Variants in MYEF2 observed in about 807,000 individuals in gnomAD.
MYEF2 encodes the protein myelin gene expression factor 2.
Under a neutral mutation model 75.2 loss-of-function variants are expected in MYEF2, and 37 were observed. The observed-to-expected ratio is 0.49, with a 90% CI of 0.38 to 0.65. The LOEUF (loss-of-function observed/expected upper bound fraction) is 0.65, where lower values mean the gene tolerates loss of function less well. MYEF2 is among the 30% of genes least tolerant of loss of function. The probability of loss-of-function intolerance (pLI) is 0.00; values close to 1 mark genes in which losing one functional copy is unlikely to be tolerated. For synonymous variants in MYEF2, 195 were observed against 241.6 expected, an observed-to-expected ratio of 0.81 and a Z score of 1.79; for missense variants, 634 against 771.4, an observed-to-expected ratio of 0.82 and a Z score of 2.11.
Position 48,135,067 on chromosome 15 carries a change from A to G in MYEF2, c.*7841T>C, listed in dbSNP as rs571165741. 7.3e-5 allele frequency: 78 copies of G among 1,075,714 alleles called. No homozygotes were observed. The Admixed American group carries it at 1.5e-3, about 20-fold the overall frequency. The allele number at this position is 1,075,714 out of a possible 1,614,324, so 66.6% of individuals were successfully genotyped here. A position where few individuals can be genotyped will look rare whatever the true frequency, so the allele number is the denominator to read the frequency against. On this transcript the variant is annotated 3_prime_UTR_variant, in exon 17 of 17. Coordinates refer to ENST00000324324, the MANE Select transcript of MYEF2 (RefSeq NM_016132.5). ...TCAGTAATTTTTTTTCAGAAATGTT[A>G]TTTCAGTCACTTAATCTGCCACTTC...
chr15:48,151,982 C>T, intron 11 of MYEF2, 40 bp from the exon 12 acceptor site: 1 of 1,586,942 alleles, frequency 6.3e-7, no homozygotes, highest in Non-Finnish European at 8.7e-7. Context: ...AACTGTCAGT[C>T]ATGTAGCTGA....
At chr15:48,151,067 T>A (rs1364793904) in intron 14 of MYEF2, 33 bp downstream of exon 14, 2 of 1,489,924 alleles carry the variant, frequency 1.3e-6, no homozygotes, top group South Asian at 2.4e-5. Flanking sequence ...ACTCAAATAT[T>A]ACTGAATAAA....
rs932353493 is a variant in MYEF2, at chr15:48,140,298, C to T, written c.*2610G>A. 2.6e-5 allele frequency: 4 copies of T among 151,428 alleles called. No individual in the cohort carries two copies. The highest frequency in any genetic ancestry group is 4.4e-5 in the Non-Finnish European group (3 of 67,830). The allele number at this position is 151,428 out of a possible 1,614,324, so 9.4% of individuals were successfully genotyped here. A position where few individuals can be genotyped will look rare whatever the true frequency, so the allele number is the denominator to read the frequency against. On this transcript the variant is annotated 3_prime_UTR_variant, in exon 17 of 17. Coordinates refer to ENST00000324324, the MANE Select transcript of MYEF2 (RefSeq NM_016132.5). ...AAAGCCAGTAACAGAAATTAACAACCAATTCCAATTCCAATATCAATGTAT... is the reference window on the plus strand; with the variant it reads ...AAAGCCAGTAACAGAAATTAACAACTAATTCCAATTCCAATATCAATGTAT...
At chr15:48,174,115 C>T (rs1011143839) in intron 1 of MYEF2, among the ~76,000 whole-genome samples, 1 of 152,066 alleles carries the variant, frequency 6.6e-6, no homozygotes, top group African/African-American at 2.4e-5. Flanking sequence ...GTAATCAAAA[C>T]AATATGGTAC....
At chr15:48,173,824 TCAAA>T (rs758432125) in intron 1 of MYEF2, among the ~76,000 whole-genome samples, 23 of 152,080 alleles carry the variant, frequency 1.5e-4, no homozygotes, top group Middle Eastern at 3.4e-3. Context: ...TGAAAAACGA[TCAAA>T]CAATGATAAA....
At position 48,149,282 on chromosome 15, in the gene MYEF2, C is replaced by T. The variant is rs764053711; in HGVS notation, c.1468G>A (p.Gly490Ser). 4 of 1,613,252 alleles carry T rather than the reference C, an allele frequency of 2.5e-6. No homozygotes were observed. The highest frequency in any genetic ancestry group is 2.2e-5 in the South Asian group (2 of 91,058). Reference protein sequence around the residue: ...MSSSFDRMGPGIGAILERSID... With the variant: ...MSSSFDRMGPSIGAILERSID... ...CTCCTTTCCAGTATAGCTCCTATAC[C>T]TGGTCCCATTCTATCAAAGCTGGAA... The change falls in exon 15 of 17, where the codon GGT becomes AGT. Residue 490 changes from glycine (G) to serine (S), a missense_variant. By Grantham distance (56) the Gly-to-Ser change is moderately conservative (BLOSUM62 0). Transcript: ENST00000324324. The surrounding 1 kb of genome is among the most constrained non-coding windows in gnomAD (Gnocchi z 4.0).
rs1045516461 is a variant in MYEF2, at chr15:48,144,098, C to T, written c.1640-1027G>A. Among the ~76,000 whole-genome samples the T allele has an allele frequency of 2.0e-5, 3 of 151,878 alleles. No homozygotes were observed. In the South Asian group the frequency reaches 6.2e-4, roughly 32 times the overall value. On this transcript the variant is annotated intron_variant, in intron 16 of 16. Coordinates refer to ENST00000324324, the MANE Select transcript of MYEF2 (RefSeq NM_016132.5). Reference sequence around the variant, plus strand: ...TAGAAGACTTTAAATATTATAGTTGCCAGATCACTATGGGCTAATTTTAGT... The same window carrying T: ...TAGAAGACTTTAAATATTATAGTTGTCAGATCACTATGGGCTAATTTTAGT...
intron 2 of MYEF2, 41 bp from the exon 3 acceptor site, chr15:48,167,442 C>T (rs886741622): frequency 4.4e-6 from 7 of 1,577,558 alleles, no homozygotes; most frequent in Admixed American, 1.7e-5. Flanking sequence ...AGAAACAATA[C>T]ATTTAAACAC....
chr15:48,143,928 A>G (rs1403860472), intron 16 of MYEF2, among the ~76,000 whole-genome samples: 3 of 152,082 alleles, frequency 2.0e-5, no homozygotes, highest in African/African-American at 4.8e-5. Flanking sequence ...ATAATTACAC[A>G]TAAGTAACAG....
intron 9 of MYEF2, among the ~76,000 whole-genome samples, chr15:48,155,345 C>CT (rs1351570410): frequency 4.3e-4 from 66 of 152,052 alleles, no homozygotes; most frequent in African/African-American, 1.5e-3. Context: ...GAAAATATAT[C>CT]AATTCTAATC....
At chr15:48,178,051 C>A in intron 1 of MYEF2, 26 bp downstream of exon 1, 1 of 1,581,110 alleles carries the variant, frequency 6.3e-7, no homozygotes, top group African/African-American at 1.4e-5. Flanking sequence ...CCACCTCGCC[C>A]CGGTTCCCGG....
chr15:48,158,105 C>T (rs1350837603), intron 8 of MYEF2, 49 bp from the exon 9 acceptor site: 3 of 1,610,902 alleles, frequency 1.9e-6, no homozygotes, highest in East Asian at 2.2e-5. Flanking sequence ...CCACAAAGAA[C>T]TGTAATGTAG....
At position 48,157,753 on chromosome 15, in the gene MYEF2, A is replaced by G. The variant is rs188322053; in HGVS notation, c.985+240T>C. The G allele has an allele frequency of 8.5e-4, 1,027 of 1,207,852 alleles. 10 individuals are homozygous for G. The African/African-American group carries it at 0.015, about 17-fold the overall frequency. 74.8% of individuals were successfully genotyped at this position (1,207,852 alleles called of 1,614,324 possible). On this transcript the variant is annotated intron_variant, in intron 9 of 16. Transcript: ENST00000324324. ...TTCCTTCAAGTGTATAAATTTACCA[A>G]ACATTTTAGAATGTATTGCTGATTA... is the stretch of plus-strand genomic sequence containing the variant.
chr15:48,168,570 T>C (rs2040213331), intron 2 of MYEF2, 61 bp downstream of exon 2: 1 of 1,342,768 alleles, frequency 7.4e-7, no homozygotes, highest in Non-Finnish European at 1.0e-6. Context: ...AATGTTTGTG[T>C]AGTTCCCTCC....
rs1027895262 is a variant in MYEF2 at position 48,135,183 on chromosome 15, TCA to T, written c.*7723_*7724del. On this transcript the variant is annotated 3_prime_UTR_variant, in exon 17 of 17. Transcript: ENST00000324324. ...AGTTTGCAATTTCTTCTTAATCACT[TCA>T]CAGTCTCCTTTTTTCTCTCACTAGT... 7 of 441,866 alleles carry T rather than the reference TCA, an allele frequency of 1.6e-5. No homozygotes were observed. Among genetic ancestry groups the T allele is most frequent in the East Asian group, 3.5e-5 (1 of 28,694 alleles). The allele number at this position is 441,866 out of a possible 1,614,324, so 27.4% of individuals were successfully genotyped here.
intron 1 of MYEF2, among the ~76,000 whole-genome samples, chr15:48,172,967 G>A (rs1040988085): frequency 6.6e-6 from 1 of 152,120 alleles, no homozygotes; most frequent in Non-Finnish European, 1.5e-5. Flanking sequence ...CCAAAAAACT[G>A]AACATGAGGA....
chr15:48,164,060 ATTAT>A (rs2040048992), intron 5 of MYEF2, among the ~76,000 whole-genome samples: 1 of 152,212 alleles, frequency 6.6e-6, no homozygotes, highest in Non-Finnish European at 1.5e-5. Flanking sequence ...TTCAAGCCTG[ATTAT>A]TTAAGAAATA....
chr15:48,170,748 C>T (rs1299037006), intron 1 of MYEF2, among the ~76,000 whole-genome samples: 1 of 152,120 alleles, frequency 6.6e-6, no homozygotes, highest in Non-Finnish European at 1.5e-5. Context: ...GGTAACACAG[C>T]CATAAATATA....
chr15:48,137,069 G>T lies in MYEF2; in HGVS notation c.*5839C>A. The T allele has an allele frequency of 8.1e-7, 1 of 1,232,632 alleles. No homozygotes were observed. Among genetic ancestry groups the T allele is most frequent in the Non-Finnish European group, 1.1e-6 (1 of 898,934 alleles). The allele number at this position is 1,232,632 out of a possible 1,614,324, so 76.4% of individuals were successfully genotyped here. Reference sequence around the variant, plus strand: ...GTGTGCTTTTTATGTAAAAAAGACTGTGAAGACTCAGAAATGATAAAGACC... The same window carrying T: ...GTGTGCTTTTTATGTAAAAAAGACTTTGAAGACTCAGAAATGATAAAGACC... On this transcript the variant is annotated 3_prime_UTR_variant, in exon 17 of 17. Transcript: ENST00000324324.
Sources: gnomAD v4.1 joint callset for allele counts (sites outside exome capture counted in the v4.1 genomes callset) on GRCh38, gnomAD v4.1.1 for gene constraint, Gnocchi (gnomAD v3.1) non-coding constraint, MANE v1.5 for transcripts, NCBI Gene and HGNC (gene_info 2026-07-23, HGNC 2026-07-21) for gene names.